COMMD1: variants seen among roughly 807,000 people sequenced by gnomAD.
The protein encoded by COMMD1 is COMM domain-containing protein 1.
COMMD1 carries 10 observed loss-of-function variants against 17.2 expected under a neutral mutation model. The ratio of observed to expected loss-of-function variants is 0.58; its 90% CI spans 0.36 to 0.99. The LOEUF is 0.99. Among genes scored for constraint, COMMD1 ranks in the 50% least tolerant of loss-of-function variants. COMMD1 has a pLI of 0.01. For synonymous variants in COMMD1, 97 were observed against 91.6 expected, an observed-to-expected ratio of 1.06 and a Z score of -0.34; for missense variants, 270 against 231.8, an observed-to-expected ratio of 1.17 and a Z score of -1.07.
rs557121952 is a variant in COMMD1 at position 62,072,370 on chromosome 2, C to T, written c.463-63461C>T. 2.6e-4 allele frequency among the ~76,000 whole-genome samples: 39 copies of T among 152,254 alleles called. No homozygotes were observed. In the South Asian group the frequency reaches 6.2e-3, roughly 24 times the overall value. On this transcript the variant is annotated intron_variant, in intron 2 of 2. Coordinates refer to ENST00000311832, the MANE Select transcript of COMMD1 (RefSeq NM_152516.4). The stretch of plus-strand genomic sequence containing the variant: ...CCATGGACCAATCAGCACTCACTCC[C>T]CCATTCTGAGCCCATAAAAACCCTG...
intron 2 of COMMD1, among the ~76,000 whole-genome samples, chr2:62,007,074 G>A (rs751403006): frequency 6.6e-5 from 10 of 152,170 alleles, no homozygotes; most frequent in Non-Finnish European, 1.5e-4. Flanking sequence ...ATTTTAAGAT[G>A]CCCTGCATGT....
intron 1 of COMMD1, among the ~76,000 whole-genome samples, chr2:61,976,300 G>A (rs1407354072): frequency 6.7e-6 from 1 of 150,050 alleles, no homozygotes; most frequent in African/African-American, 2.4e-5. Flanking sequence ...TAAATACAAA[G>A]AACATAAATA....
At chr2:62,053,029 G>A (rs527500568) in intron 2 of COMMD1, among the ~76,000 whole-genome samples, 5 of 152,252 alleles carry the variant, frequency 3.3e-5, no homozygotes, top group South Asian at 2.1e-4. Context: ...GCAGTGAGCT[G>A]TGATCACACC....
chr2:61,948,879 A>G (rs1167286313), intron 1 of COMMD1, among the ~76,000 whole-genome samples: 2 of 152,210 alleles, frequency 1.3e-5, no homozygotes, highest in Admixed American at 6.5e-5. Flanking sequence ...CAGAATGCCT[A>G]AAATTCCAGT....
rs112612348 is a variant in COMMD1 at position 62,015,540 on chromosome 2, G to A, written c.462+14558G>A. 5.9e-4 allele frequency among the ~76,000 whole-genome samples: 90 copies of A among 152,226 alleles called. 1 individual carries two copies. The highest frequency in any genetic ancestry group is 2.1e-3 in the African/African-American group (89 of 41,526). On this transcript the variant is annotated intron_variant, in intron 2 of 2. Transcript: ENST00000311832. Reference sequence around the variant, plus strand: ...TTTAATTCTTTTGGGTATATACTAGGAGTGGACTTGTTGGATCATACGGTA... The same window carrying A: ...TTTAATTCTTTTGGGTATATACTAGAAGTGGACTTGTTGGATCATACGGTA...
intron 1 of COMMD1, among the ~76,000 whole-genome samples, chr2:61,897,377 T>C (rs933204750): frequency 6.6e-6 from 1 of 152,176 alleles, no homozygotes; most frequent in Non-Finnish European, 1.5e-5. Flanking sequence ...TTAAACAAAT[T>C]TGTATGCTTT....
chr2:62,014,743 G>A (rs1407420722), intron 2 of COMMD1, among the ~76,000 whole-genome samples: 4 of 151,142 alleles, frequency 2.6e-5, no homozygotes, highest in Admixed American at 1.3e-4. Context: ...TGTATTTTTA[G>A]TAGAGATGGG....
At chr2:61,888,613 C>G, upstream of COMMD1, 1 of 1,354,950 alleles carries the variant, frequency 7.4e-7, no homozygotes, top group South Asian at 1.5e-5. Context: ...CACGAACCTT[C>G]CAGAAAGCGG....
intron 2 of COMMD1, among the ~76,000 whole-genome samples, chr2:62,055,718 G>A (rs186477316): frequency 1.3e-5 from 2 of 152,320 alleles, no homozygotes; most frequent in South Asian, 2.1e-4. Context: ...TTTACTATTG[G>A]TAAGAGTTGA....
chr2:62,113,662 G>T (rs1486295980), intron 2 of COMMD1, among the ~76,000 whole-genome samples: 1 of 152,196 alleles, frequency 6.6e-6, no homozygotes, highest in Non-Finnish European at 1.5e-5. Flanking sequence ...GGGATTACAG[G>T]CATGAGCCAC....
chr2:62,112,567 A>G (rs1405361569), intron 2 of COMMD1, among the ~76,000 whole-genome samples: 1 of 152,250 alleles, frequency 6.6e-6, no homozygotes, highest in East Asian at 1.9e-4. Context: ...AGGTAGGAAG[A>G]AGGACTAAAC....
chr2:61,888,768 G>T, exon 1 of COMMD1: 1 of 516,222 alleles, frequency 1.9e-6, no homozygotes, highest in Non-Finnish European at 3.4e-6. Context: ...TACGCCCGGG[G>T]CGCTGTGGGT....
chr2:62,120,061 G>A (rs1161339427), intron 2 of COMMD1, among the ~76,000 whole-genome samples: 5 of 152,030 alleles, frequency 3.3e-5, no homozygotes, highest in African/African-American at 7.2e-5. Flanking sequence ...ACAGTGACCC[G>A]ATCACAGCTC....
At chr2:62,068,211 T>C (rs1480824997) in intron 2 of COMMD1, among the ~76,000 whole-genome samples, 1 of 152,190 alleles carries the variant, frequency 6.6e-6, no homozygotes, top group Non-Finnish European at 1.5e-5. Flanking sequence ...TTTCAAGAAA[T>C]AGAGTTGGGA....
At chr2:61,971,969 A>G (rs2103726198) in intron 1 of COMMD1, among the ~76,000 whole-genome samples, 1 of 152,188 alleles carries the variant, frequency 6.6e-6, no homozygotes, top group South Asian at 2.1e-4. Flanking sequence ...GAAAATTTTA[A>G]AAATTTAGCC....
At chr2:62,034,105 A>G (rs1032010516) in intron 2 of COMMD1, among the ~76,000 whole-genome samples, 1 of 151,732 alleles carries the variant, frequency 6.6e-6, no homozygotes, top group African/African-American at 2.4e-5. Context: ...AAAAAAAAAA[A>G]AAAAAAGAAA....
intron 2 of COMMD1, among the ~76,000 whole-genome samples, chr2:62,053,951 A>G (rs181768433): frequency 6.6e-6 from 1 of 152,362 alleles, no homozygotes; most frequent in African/African-American, 2.4e-5. Context: ...CAAAGTATTC[A>G]TCCAATAGGG....
Position 61,905,733 on chromosome 2 carries a change from C to G in COMMD1, c.55C>G (p.Leu19Val). The G allele has an allele frequency of 6.2e-7, 1 of 1,612,152 alleles. No homozygotes were observed. The highest frequency in any genetic ancestry group is 8.5e-7 in the Non-Finnish European group (1 of 1,179,026). The change falls in exon 1 of 3, where the codon CTG becomes GTG. Residue 19 changes from leucine to valine, a missense_variant. Leu to Val is a conservative substitution (Grantham distance 32). Transcript: ENST00000311832. ...ACCCCTGAGCGGGCTGCTGAATGCG[C>G]TGGCCCAGGACACTTTCCACGGGTA... Reference protein sequence around the residue: ...GKPLSGLLNALAQDTFHGYPG... With the variant: ...GKPLSGLLNAVAQDTFHGYPG...
chr2:61,991,331 A>G (rs1672248593), intron 1 of COMMD1, among the ~76,000 whole-genome samples: 1 of 152,198 alleles, frequency 6.6e-6, no homozygotes, highest in South Asian at 2.1e-4. Flanking sequence ...GTAGCTTTAA[A>G]GAATTCTGGA....
Sources: allele counts gnomAD v4.1 joint callset (sites outside exome capture counted in the v4.1 genomes callset), GRCh38; gene constraint gnomAD v4.1.1; transcripts MANE v1.5; gene names NCBI Gene and HGNC (gene_info 2026-07-23, HGNC 2026-07-21).